The following PRKD1 variants were observed in gnomAD, a reference collection of about 807,000 sequenced individuals.
PRKD1 encodes the protein protein kinase D1.
Under a neutral mutation model 95.9 loss-of-function variants are expected in PRKD1, and 63 were observed. The ratio of observed to expected loss-of-function variants is 0.66; its 90% confidence interval spans 0.54 to 0.81. The LOEUF is 0.81. PRKD1 is among the 30% of genes least tolerant of loss of function. The probability of loss-of-function intolerance (pLI) is 0.00; values close to 1 mark genes in which losing one functional copy is unlikely to be tolerated. For synonymous variants in PRKD1, 425 were observed against 423.1 expected (o/e 1.00, Z -0.05); for missense variants, 1,048 against 1,165.3 (o/e 0.90, Z 1.47).
chr14:29,782,509 T>C (rs1889091727), intron 1 of PRKD1, among the ~76,000 whole-genome samples: 1 of 152,180 alleles, frequency 6.6e-6, no homozygotes, highest in South Asian at 2.1e-4. Context: ...TCTAATGTAA[T>C]AGTTAAAAAT....
At chr14:29,599,595 A>G in intron 14 of PRKD1, 61 bp downstream of exon 14, 1 of 1,488,340 alleles carries the variant, frequency 6.7e-7, no homozygotes, top group Non-Finnish European at 9.2e-7. Context: ...AGCTGTAGTT[A>G]AACAGTGATA....
chr14:29,680,851 AAAG>A (rs1281535263), intron 2 of PRKD1, among the ~76,000 whole-genome samples: 2 of 152,190 alleles, frequency 1.3e-5, no homozygotes, highest in African/African-American at 2.4e-5. Context: ...GAGGGCTAAG[AAAG>A]AAGTAGATGG....
At chr14:29,807,548 C>A (rs575098872) in intron 1 of PRKD1, among the ~76,000 whole-genome samples, 1 of 152,100 alleles carries the variant, frequency 6.6e-6, no homozygotes, top group South Asian at 2.1e-4. Flanking sequence ...CGGTGTGTGC[C>A]ACCATGCCTG....
chr14:29,693,058 G>T (rs1884324255), intron 2 of PRKD1, among the ~76,000 whole-genome samples: 1 of 107,670 alleles, frequency 9.3e-6, no homozygotes, highest in Admixed American at 8.4e-5. Flanking sequence ...ACTTGGTAAA[G>T]AATTTGGGCA....
intron 2 of PRKD1, among the ~76,000 whole-genome samples, chr14:29,693,765 C>T (rs1406101087): frequency 1.3e-5 from 2 of 151,960 alleles, no homozygotes; most frequent in African/African-American, 2.4e-5. Context: ...AGGATGAAGA[C>T]TTTATAGGTC....
intron 4 of PRKD1, among the ~76,000 whole-genome samples, chr14:29,660,550 C>T (rs1882133920): frequency 6.6e-6 from 1 of 152,100 alleles, no homozygotes; most frequent in Admixed American, 6.5e-5. Flanking sequence ...CGGCTTTTAT[C>T]ATTGTCCCTC....
At chr14:29,767,834 T>A (rs1053015364) in intron 1 of PRKD1, among the ~76,000 whole-genome samples, 6 of 152,236 alleles carry the variant, frequency 3.9e-5, no homozygotes, top group African/African-American at 1.4e-4. Flanking sequence ...ATCACAATAA[T>A]ATTTTGTAAA....
rs117985535 is a variant in PRKD1 at position 29,642,870 on chromosome 14, T to G, written c.697-3966A>C. Among the ~76,000 whole-genome samples the G allele has an allele frequency of 6.7e-3, 1,019 of 152,082 alleles. 2 individuals carry two copies. Among genetic ancestry groups the G allele is most frequent in the Non-Finnish European group, 0.01 (713 of 67,968 alleles). On this transcript the variant is annotated intron_variant, in intron 4 of 17. Transcript: ENST00000331968. ...TTTCACTCTTAGTCTCTATTCCAAT[T>G]TGGCCCCATGTATTTGGTGAACCTG...
intron 1 of PRKD1, among the ~76,000 whole-genome samples, chr14:29,857,701 A>G (rs2046387438): frequency 6.6e-6 from 1 of 152,226 alleles, no homozygotes. Flanking sequence ...AGAATGCCAC[A>G]AAGCACTTTT....
intron 4 of PRKD1, among the ~76,000 whole-genome samples, chr14:29,653,667 G>T (rs1281662823): frequency 6.6e-6 from 1 of 151,820 alleles, no homozygotes; most frequent in Non-Finnish European, 1.5e-5. Flanking sequence ...TCTCTATATG[G>T]TTAAGTCTCT....
At chr14:29,884,899 G>A (rs1281128003) in intron 1 of PRKD1, among the ~76,000 whole-genome samples, 1 of 152,134 alleles carries the variant, frequency 6.6e-6, no homozygotes, top group Non-Finnish European at 1.5e-5. Flanking sequence ...GAAGCGGGTG[G>A]ATCACGAGGT....
chr14:29,819,005 G>C (rs983335953), intron 1 of PRKD1, among the ~76,000 whole-genome samples: 1 of 151,880 alleles, frequency 6.6e-6, no homozygotes, highest in African/African-American at 2.4e-5. Flanking sequence ...ATTAAAAGGG[G>C]GTGGGGGTAC....
At chr14:29,824,672 C>A (rs4294717) in intron 1 of PRKD1, among the ~76,000 whole-genome samples, 4 of 151,986 alleles carry the variant, frequency 2.6e-5, no homozygotes, top group Non-Finnish European at 5.9e-5. Flanking sequence ...TATATTCATA[C>A]GCAGGAAATT....
intron 2 of PRKD1, among the ~76,000 whole-genome samples, chr14:29,667,663 ATAAT>A (rs1286047823): frequency 6.6e-6 from 1 of 152,222 alleles, no homozygotes; most frequent in African/African-American, 2.4e-5. Context: ...ATCAAAGAAA[ATAAT>A]TAAAGAGAAA....
At chr14:29,581,830 T>C (rs1331382305) in intron 16 of PRKD1, among the ~76,000 whole-genome samples, 1 of 152,180 alleles carries the variant, frequency 6.6e-6, no homozygotes, top group Admixed American at 6.6e-5. Context: ...ATCTGCTATG[T>C]ATTAATACAA....
chr14:29,718,728 A>C (rs1431571667), intron 2 of PRKD1, among the ~76,000 whole-genome samples: 3 of 152,192 alleles, frequency 2.0e-5, no homozygotes, highest in Non-Finnish European at 4.4e-5. Context: ...GTCCAAGTAC[A>C]AACACAAGGA....
intron 1 of PRKD1, among the ~76,000 whole-genome samples, chr14:29,791,954 C>A (rs1889565078): frequency 6.6e-6 from 1 of 152,068 alleles, no homozygotes; most frequent in Admixed American, 6.6e-5. Flanking sequence ...TATGTTCTCA[C>A]CAGCAGTGTA....
At chr14:29,855,999 A>G (rs1272912367) in intron 1 of PRKD1, among the ~76,000 whole-genome samples, 1 of 152,198 alleles carries the variant, frequency 6.6e-6, no homozygotes, top group Non-Finnish European at 1.5e-5. Context: ...CAGGATGAAA[A>G]TAGACTAATA....
chr14:29,629,581 T>C (rs1284833848), intron 10 of PRKD1, among the ~76,000 whole-genome samples: 1 of 152,194 alleles, frequency 6.6e-6, no homozygotes, highest in Non-Finnish European at 1.5e-5. Context: ...GATAAATGGA[T>C]AACACTATAA....
Sources: allele counts gnomAD v4.1 joint callset (sites outside exome capture counted in the v4.1 genomes callset), GRCh38; gene constraint gnomAD v4.1.1; transcripts MANE v1.5; gene names NCBI Gene and HGNC (gene_info 2026-07-23, HGNC 2026-07-21).